Variants in SLC38A4 observed in about 807,000 individuals in gnomAD.
SLC38A4 encodes the protein solute carrier family 38 member 4.
Under a neutral mutation model 63.1 loss-of-function variants are expected in SLC38A4, and 20 were observed. The ratio of observed to expected loss-of-function variants is 0.32; its 90% CI spans 0.22 to 0.46. SLC38A4 has a LOEUF of 0.46. Ranked by LOEUF, SLC38A4 falls within the 20% of genes least tolerant of loss-of-function variation. The probability of loss-of-function intolerance (pLI) is 1.00; values close to 1 mark genes in which losing one functional copy is unlikely to be tolerated. For synonymous variants in SLC38A4, 230 were observed against 225.5 expected, an observed-to-expected ratio of 1.02 and a Z score of -0.18; for missense variants, 526 against 663.6, an observed-to-expected ratio of 0.79 and a Z score of 2.28.
chr12:46,768,446 C>T (rs1191979523), intron 15 of SLC38A4, 39 bp from the exon 16 acceptor site: 2 of 1,488,500 alleles, frequency 1.3e-6, no homozygotes, highest in Admixed American at 3.6e-5. Context: ...ATGTCTTACC[C>T]AGCAGTTCCT....
chr12:46,774,066 C>T (rs1172778628), intron 14 of SLC38A4, among the ~76,000 whole-genome samples: 1 of 152,002 alleles, frequency 6.6e-6, no homozygotes, highest in Non-Finnish European at 1.5e-5. Flanking sequence ...ATCTGAAATA[C>T]TTTCAGATAT....
intron 1 of SLC38A4, among the ~76,000 whole-genome samples, chr12:46,804,278 C>A (rs1337556048): frequency 1.3e-5 from 2 of 151,636 alleles, no homozygotes; most frequent in African/African-American, 4.8e-5. Flanking sequence ...AGGCAAAAGG[C>A]TGTTTGGCAT....
intron 7 of SLC38A4, among the ~76,000 whole-genome samples, chr12:46,782,144 A>G (rs1432157263): frequency 6.6e-6 from 1 of 152,048 alleles, no homozygotes; most frequent in Admixed American, 6.6e-5. Context: ...CCAACTATCC[A>G]TTATCAGGGT....
At chr12:46,807,729 G>C (rs1939261794) in intron 1 of SLC38A4, among the ~76,000 whole-genome samples, 1 of 152,012 alleles carries the variant, frequency 6.6e-6, no homozygotes, top group South Asian at 2.1e-4. Flanking sequence ...ATAAAGGGGA[G>C]TCAAGCACTT....
At chr12:46,802,929 T>G (rs945531252) in intron 2 of SLC38A4, among the ~76,000 whole-genome samples, 7 of 152,082 alleles carry the variant, frequency 4.6e-5, no homozygotes, top group African/African-American at 1.7e-4. Flanking sequence ...TACTTTTAGA[T>G]AATTGACTCT....
intron 7 of SLC38A4, 27 bp downstream of exon 7, chr12:46,784,515 G>C (rs1161594107): frequency 6.4e-7 from 1 of 1,557,742 alleles, no homozygotes; most frequent in East Asian, 2.3e-5. Context: ...AAGTTTATGG[G>C]ATCCATTGAA....
intron 5 of SLC38A4, among the ~76,000 whole-genome samples, chr12:46,786,154 T>C (rs1488159654): frequency 6.6e-6 from 1 of 152,122 alleles, no homozygotes; most frequent in Non-Finnish European, 1.5e-5. Context: ...TTTTTCCATA[T>C]GCCTTATGAA....
intron 1 of SLC38A4, among the ~76,000 whole-genome samples, chr12:46,820,649 T>A (rs976935635): frequency 3.9e-5 from 6 of 152,128 alleles, no homozygotes; most frequent in African/African-American, 1.4e-4. Context: ...GGAGTGCAGG[T>A]ATCGCTCTGA....
At chr12:46,770,121 A>G (rs1445163282) in intron 14 of SLC38A4, among the ~76,000 whole-genome samples, 1 of 152,104 alleles carries the variant, frequency 6.6e-6, no homozygotes, top group Non-Finnish European at 1.5e-5. Context: ...AAGAGATAAC[A>G]GGCAAGACAC....
At chr12:46,785,240 G>A in intron 5 of SLC38A4, 63 bp from the exon 6 acceptor site, 1 of 1,270,100 alleles carries the variant, frequency 7.9e-7, no homozygotes. Context: ...AATTATGTTA[G>A]ATGTTACAAT....
chr12:46,809,145 G>A (rs1939292401), intron 1 of SLC38A4, among the ~76,000 whole-genome samples: 1 of 151,978 alleles, frequency 6.6e-6, no homozygotes, highest in African/African-American at 2.4e-5. Context: ...ACTTTCGGTA[G>A]TTTAAGCTGT....
intron 1 of SLC38A4, among the ~76,000 whole-genome samples, chr12:46,808,122 A>G (rs113084516): frequency 0.018 from 2,678 of 152,112 alleles, 87 homozygotes; most frequent in African/African-American, 0.062. Context: ...ACATCTTAAC[A>G]CACATACAAT....
In SLC38A4 at chr12:46,766,380, ACTAT is replaced by A; in HGVS notation, c.*317_*320del. The stretch of plus-strand genomic sequence containing the variant: ...ATGAGGAGACGGCAGGGGAAAGAGT[ACTAT>A]CTGATGATTGTTACATGCAGTTACC... On this transcript the variant is annotated 3_prime_UTR_variant, in exon 17 of 17. Coordinates refer to ENST00000266579, the MANE Select transcript of SLC38A4 (RefSeq NM_018018.5). The A allele has an allele frequency of 2.1e-6, 1 of 480,034 alleles. No individual in the cohort carries two copies. The highest frequency in any genetic ancestry group is 3.1e-4 in the Middle Eastern group (1 of 3,178). The allele number at this position is 480,034 out of a possible 1,614,324, so 29.7% of individuals were successfully genotyped here. A position where few individuals can be genotyped will look rare whatever the true frequency, so the allele number is the denominator to read the frequency against.
intron 1 of SLC38A4, among the ~76,000 whole-genome samples, chr12:46,815,165 T>A (rs865980880): frequency 2.0e-5 from 3 of 150,584 alleles, no homozygotes; most frequent in Non-Finnish European, 3.0e-5. Context: ...GAATAGAAGA[T>A]GTATATGAGA....
chr12:46,827,798 A>G (rs1939679832), upstream of SLC38A4, among the ~76,000 whole-genome samples: 1 of 151,998 alleles, frequency 6.6e-6, no homozygotes, highest in African/African-American at 2.4e-5. Flanking sequence ...GAAAGATAAG[A>G]CTTTGTTGTC....
intron 2 of SLC38A4, among the ~76,000 whole-genome samples, chr12:46,798,304 C>T (rs1475278101): frequency 6.6e-6 from 1 of 152,160 alleles, no homozygotes; most frequent in East Asian, 1.9e-4. Context: ...CCTCTCTGGT[C>T]TCATCTCCGT....
chr12:46,818,859 A>G (rs1939489183), intron 1 of SLC38A4, among the ~76,000 whole-genome samples: 1 of 151,954 alleles, frequency 6.6e-6, no homozygotes, highest in African/African-American at 2.4e-5. Flanking sequence ...TGAGTAGACC[A>G]GTACATTTTG....
chr12:46,775,752 T>A (rs551374023), intron 13 of SLC38A4, among the ~76,000 whole-genome samples: 4 of 152,110 alleles, frequency 2.6e-5, no homozygotes, highest in East Asian at 1.9e-4. Context: ...GATAAATTAG[T>A]ATAATTTTTA....
In SLC38A4 at chr12:46,778,565, C is replaced by A; in HGVS notation, c.929G>T (p.Gly310Val). ...NQAKGSLHDS[G>V]VEYEAHSDDK... Reference sequence around the variant, plus strand: ...ATCACTATGAGCTTCATATTCTACTCCACTGTCATGAAGAGAGCCCTTGGC... The same window carrying A: ...ATCACTATGAGCTTCATATTCTACTACACTGTCATGAAGAGAGCCCTTGGC... The change falls in exon 11 of 17, where the codon GGA (glycine) becomes GTA (valine). Residue 310 changes from glycine (G) to valine (V), a missense_variant. Transcript: ENST00000266579. The A allele has an allele frequency of 6.2e-7, 1 of 1,613,012 alleles. No individual in the cohort carries two copies. Among genetic ancestry groups the A allele is most frequent in the Non-Finnish European group, 8.5e-7 (1 of 1,179,402 alleles).
Sources: allele counts gnomAD v4.1 joint callset (sites outside exome capture counted in the v4.1 genomes callset), GRCh38; gene constraint gnomAD v4.1.1; transcripts MANE v1.5; gene names NCBI Gene and HGNC (gene_info 2026-07-23, HGNC 2026-07-21).